The following TAGLN3 variants were observed in gnomAD, a reference collection of about 807,000 sequenced individuals.
The protein encoded by TAGLN3 is transgelin 3.
Under a neutral mutation model 25.4 loss-of-function variants are expected in TAGLN3, and 12 were observed. The observed-to-expected ratio is 0.47, with a 90% CI of 0.30 to 0.77. The LOEUF is 0.77. Among genes scored for constraint, TAGLN3 ranks in the 30% least tolerant of loss-of-function variants. The pLI, the probability that TAGLN3 is intolerant of heterozygous loss-of-function variation, is 0.06. For synonymous variants in TAGLN3, 96 were observed against 94.8 expected (o/e 1.01, Z -0.08); for missense variants, 218 against 255.8 (o/e 0.85, Z 1.01).
Position 111,999,594 on chromosome 3 carries a change from G to C in TAGLN3, c.172G>C (p.Asp58His), listed in dbSNP as rs754842617. 5.0e-6 allele frequency: 8 copies of C among 1,613,580 alleles called. No homozygotes were observed. Among genetic ancestry groups the C allele is most frequent in the Non-Finnish European group, 6.8e-6 (8 of 1,179,746 alleles). Residue 58 changes from aspartate (D) to histidine (H), a missense_variant, in exon 2 of 5, where the codon GAC becomes CAC. Physicochemically the swap from Asp to His is moderately conservative, Grantham distance 81 (BLOSUM62 -1). Coordinates refer to ENST00000478951, the MANE Select transcript of TAGLN3 (RefSeq NM_001008272.2). ...GGCCCATTTTCAGAAATGGTTAATG[G>C]ACGGGACGGTAAGGCCGGCAGCGAT... Reference protein sequence around the residue: ...GRAHFQKWLMDGTVLCKLINS... With the variant: ...GRAHFQKWLMHGTVLCKLINS...
At chr3:112,004,493 G>A (rs2072895462) in intron 3 of TAGLN3, among the ~76,000 whole-genome samples, 1 of 152,180 alleles carries the variant, frequency 6.6e-6, no homozygotes, top group East Asian at 1.9e-4. Flanking sequence ...ATCCTGGAAA[G>A]TATTACAGGA....
At chr3:112,004,066 A>T (rs528560286) in intron 3 of TAGLN3, among the ~76,000 whole-genome samples, 4 of 152,382 alleles carry the variant, frequency 2.6e-5, no homozygotes, top group African/African-American at 9.6e-5. Flanking sequence ...CAGAAAAACA[A>T]CACAATCACA....
rs1239568158 is a variant in TAGLN3, at chr3:111,999,491, T to A, written c.69T>A (p.Asp23Glu). 1 of 1,614,204 alleles carries A rather than the reference T, an allele frequency of 6.2e-7. No individual in the cohort carries two copies. Among genetic ancestry groups the A allele is most frequent in the Admixed American group, 1.7e-5 (1 of 60,032 alleles). The change falls in exon 2 of 5, where the codon GAT (aspartate) becomes GAA (glutamate). Residue 23 changes from aspartate (D) to glutamate (E), a missense_variant. Asp to Glu is a conservative substitution (Grantham distance 45). Coordinates refer to ENST00000478951, the MANE Select transcript of TAGLN3 (RefSeq NM_001008272.2). ...EVQEKIEQKY[D>E]ADLENKLVDW... is the part of the protein sequence containing the mutation. ...AGGAGAAGATCGAGCAGAAGTATGA[T>A]GCGGACCTGGAGAACAAGCTGGTGG... is the stretch of plus-strand genomic sequence containing the variant.
intron 3 of TAGLN3, among the ~76,000 whole-genome samples, chr3:112,002,636 G>A (rs1367488161): frequency 8.0e-6 from 1 of 124,982 alleles, no homozygotes; most frequent in East Asian, 2.6e-4. Flanking sequence ...GAAGGGACCC[G>A]GGTGAGTCCC....
intron 4 of TAGLN3, 63 bp from the exon 5 acceptor site, chr3:112,013,347 T>C: frequency 6.4e-7 from 1 of 1,559,930 alleles, no homozygotes; most frequent in Non-Finnish European, 8.7e-7. Context: ...TCTAATTGCA[T>C]ATCTTGAAAA....
chr3:112,010,214 G>A (rs1374145982), intron 3 of TAGLN3, among the ~76,000 whole-genome samples: 1 of 152,026 alleles, frequency 6.6e-6, no homozygotes, highest in African/African-American at 2.4e-5. Flanking sequence ...GTGTCTGTGG[G>A]TGATCTGCTG....
intron 4 of TAGLN3, among the ~76,000 whole-genome samples, chr3:112,012,631 G>A (rs9813965): frequency 0.083 from 12,504 of 151,010 alleles, 657 homozygotes; most frequent in Non-Finnish European, 0.12. Context: ...AAAAAAAAAA[G>A]TTACCAGCTT....
chr3:112,011,973 A>C (rs2072981827), intron 4 of TAGLN3, 108 bp downstream of exon 4: 2 of 954,952 alleles, frequency 2.1e-6, no homozygotes, highest in East Asian at 5.4e-5. Flanking sequence ...CCCAGGACCA[A>C]GCACTGCTGT....
At chr3:112,009,892 ATATCT>A (rs767656279) in intron 3 of TAGLN3, among the ~76,000 whole-genome samples, 33 of 151,738 alleles carry the variant, frequency 2.2e-4, no homozygotes, top group Non-Finnish European at 4.1e-4. Flanking sequence ...AGGCTCCTGG[ATATCT>A]TATCTTAGCC....
At chr3:111,999,176 C>T in intron 1 of TAGLN3, 62 bp downstream of exon 1, 1 of 405,224 alleles carries the variant, frequency 2.5e-6, no homozygotes, top group Non-Finnish European at 4.5e-6. Context: ...GGATTCCAGC[C>T]CCCCTGGACC....
chr3:112,000,920 T>A lies in TAGLN3; in HGVS notation c.329T>A (p.Ile110Asn), dbSNP rs766760266. Residue 110 changes from isoleucine to asparagine, a missense_variant, in exon 3 of 5, where the codon ATC becomes AAC. Coordinates refer to ENST00000478951, the MANE Select transcript of TAGLN3 (RefSeq NM_001008272.2). ...ACCTATGGTGTCAGAACCACCGACA[T>A]CTTTCAGACGGTGGATCTATGGGAA... ...AETYGVRTTDIFQTVDLWEGK... is the reference protein window; with the variant it reads ...AETYGVRTTDNFQTVDLWEGK... 6.2e-7 allele frequency: 1 copy of A among 1,614,134 alleles called. No individual in the cohort carries two copies. The highest frequency in any genetic ancestry group is 8.5e-7 in the Non-Finnish European group (1 of 1,180,022).
intron 3 of TAGLN3, among the ~76,000 whole-genome samples, chr3:112,005,553 C>T (rs951627670): frequency 2.0e-5 from 3 of 152,050 alleles, no homozygotes; most frequent in Admixed American, 1.3e-4. Flanking sequence ...TCTGGGAAGG[C>T]GTCACTTTAT....
At chr3:112,000,335 G>A (rs1200420583) in intron 2 of TAGLN3, among the ~76,000 whole-genome samples, 3 of 152,124 alleles carry the variant, frequency 2.0e-5, no homozygotes, top group Admixed American at 2.0e-4. Context: ...GTAAATTGAA[G>A]CCTGCTTAAT....
chr3:112,005,700 TTC>T (rs1215929587), intron 3 of TAGLN3, among the ~76,000 whole-genome samples: 4,956 of 22,646 alleles, frequency 0.22, 508 homozygotes, highest in Non-Finnish European at 0.37. Flanking sequence ...TTTCTTTTTT[TTC>T]TTTTTTTTTT....
intron 2 of TAGLN3, 50 bp from the exon 3 acceptor site, chr3:112,000,722 C>T (rs1485596386): frequency 6.3e-7 from 1 of 1,580,012 alleles, no homozygotes; most frequent in Admixed American, 1.7e-5. Context: ...CATTCTTGAC[C>T]TGTAAATACA....
rs181031307 is a variant in TAGLN3 at position 112,002,827 on chromosome 3, T to C, written c.355+1881T>C. Among the ~76,000 whole-genome samples the C allele has an allele frequency of 2.5e-3, 378 of 152,262 alleles. 2 individuals are homozygous for C. The highest frequency in any genetic ancestry group is 3.3e-3 in the Non-Finnish European group (224 of 68,010). On this transcript the variant is annotated intron_variant, in intron 3 of 4. Coordinates refer to ENST00000478951, the MANE Select transcript of TAGLN3 (RefSeq NM_001008272.2). Reference sequence around the variant, plus strand: ...ACTCGTCAGAGGTGCTCACAGCAAGTGTGGAGGAGTGTAGGGAGAAATAGT... The same window carrying C: ...ACTCGTCAGAGGTGCTCACAGCAAGCGTGGAGGAGTGTAGGGAGAAATAGT...
chr3:112,004,669 T>C (rs2072897919), intron 3 of TAGLN3, among the ~76,000 whole-genome samples: 1 of 152,200 alleles, frequency 6.6e-6, no homozygotes, highest in South Asian at 2.1e-4. Flanking sequence ...TCATTAGAAG[T>C]GTTTAGCATG....
At chr3:112,010,999 C>A (rs940535855) in intron 3 of TAGLN3, among the ~76,000 whole-genome samples, 1 of 152,194 alleles carries the variant, frequency 6.6e-6, no homozygotes, top group Admixed American at 6.5e-5. Context: ...CACAGTTCCC[C>A]GCCAGGTTAG....
At chr3:112,005,115 A>G (rs2072902751) in intron 3 of TAGLN3, among the ~76,000 whole-genome samples, 1 of 152,120 alleles carries the variant, frequency 6.6e-6, no homozygotes, top group Admixed American at 6.5e-5. Context: ...CTCTTTTGCT[A>G]CATACTAACT....
Sources: gnomAD v4.1 joint callset for allele counts (sites outside exome capture counted in the v4.1 genomes callset) on GRCh38, gnomAD v4.1.1 for gene constraint, MANE v1.5 for transcripts, NCBI Gene and HGNC (gene_info 2026-07-23, HGNC 2026-07-21) for gene names.